KIF26B: variants seen among roughly 807,000 people sequenced by gnomAD.
KIF26B encodes the protein kinesin family member 26B.
In KIF26B, 63 loss-of-function variants were observed where a neutral mutation model predicts 151.2. That is an observed-to-expected ratio of 0.42 (90% confidence interval 0.34 to 0.51). The LOEUF (loss-of-function observed/expected upper bound fraction) is 0.51, where lower values mean the gene tolerates loss of function less well. Among genes scored for constraint, KIF26B ranks in the 20% least tolerant of loss-of-function variants. KIF26B has a pLI of 0.07. For missense variants in KIF26B, 2,813 were observed against 2,913.6 expected (o/e 0.97, Z 0.79); for synonymous variants, 1,357 against 1,262.1 (o/e 1.08, Z -1.59).
intron 4 of KIF26B, among the ~76,000 whole-genome samples, chr1:245,535,065 G>C (rs1272620740): frequency 6.6e-6 from 1 of 152,140 alleles, no homozygotes. Context: ...TTACAGGCGT[G>C]AGCCACTGCA....
intron 3 of KIF26B, among the ~76,000 whole-genome samples, chr1:245,394,344 T>A (rs915414550): frequency 6.6e-6 from 1 of 152,208 alleles, no homozygotes; most frequent in Non-Finnish European, 1.5e-5. Flanking sequence ...GAAAGCAGGC[T>A]GCGTGCCGTG....
At position 245,369,825 on chromosome 1, in the gene KIF26B, C is replaced by T. The variant is rs150416989; in HGVS notation, c.999+2458C>T. Among the ~76,000 whole-genome samples, 21 of 152,302 alleles carry T rather than the reference C, an allele frequency of 1.4e-4. No individual in the cohort carries two copies. In the East Asian group the frequency reaches 4.1e-3, roughly 29 times the overall value. On this transcript the variant is annotated intron_variant, in intron 3 of 14. Coordinates refer to ENST00000407071, the MANE Select transcript of KIF26B (RefSeq NM_018012.4). Reference sequence around the variant, plus strand: ...CAAAGAAAAGAACTCGTTTTACCTGCAGGGGCCTCACTGCCCCTAGACTTT... The same window carrying T: ...CAAAGAAAAGAACTCGTTTTACCTGTAGGGGCCTCACTGCCCCTAGACTTT...
intron 1 of KIF26B, among the ~76,000 whole-genome samples, chr1:245,156,003 C>T (rs917519944): frequency 1.1e-4 from 17 of 152,212 alleles, no homozygotes; most frequent in African/African-American, 4.1e-4. Context: ...TCCCCCCCGC[C>T]TTGCAGAAGC....
chr1:245,371,560 G>A (rs1428840069), intron 3 of KIF26B: 1 of 152,170 alleles, frequency 6.6e-6, no homozygotes, highest in African/African-American at 2.4e-5. Context: ...CTGCCTTTCT[G>A]CAATTTAGAC....
chr1:245,419,313 T>C (rs746797513), intron 3 of KIF26B, among the ~76,000 whole-genome samples: 1 of 152,130 alleles, frequency 6.6e-6, no homozygotes, highest in Non-Finnish European at 1.5e-5. Context: ...CCCCTCCAAA[T>C]GGAGGGAAGA....
intron 2 of KIF26B, among the ~76,000 whole-genome samples, chr1:245,265,305 C>A (rs1342134703): frequency 6.6e-6 from 1 of 150,812 alleles, no homozygotes; most frequent in Non-Finnish European, 1.5e-5. Flanking sequence ...AACAAATAGA[C>A]CGATGGAACA....
At position 245,688,072 on chromosome 1, in the gene KIF26B, G is replaced by T; in HGVS notation, c.5089G>T (p.Ala1697Ser). The change falls in exon 12 of 15, where the codon GCG becomes TCG. Residue 1697 changes from alanine (A) to serine (S), a missense_variant. Around this residue, in one of 3 missense-constraint regions of KIF26B, gnomAD observed 2,060 missense variants for 2,088.6 expected, o/e 0.99. Transcript: ENST00000407071. The stretch of plus-strand genomic sequence containing the variant: ...GTCCTCCGTGAGCTCCCGGCTGCAC[G>T]CGGGCAAGGACGGCACCATGCCCCG... ...SLSSVSSRLHAGKDGTMPRAG... is the reference protein window; with the variant it reads ...SLSSVSSRLHSGKDGTMPRAG... The T allele has an allele frequency of 6.4e-7, 1 of 1,552,800 alleles. No homozygotes were observed. The highest frequency in any genetic ancestry group is 8.7e-7 in the Non-Finnish European group (1 of 1,149,128).
At chr1:245,330,652 AG>A (rs1403266220) in intron 2 of KIF26B, among the ~76,000 whole-genome samples, 1 of 10,190 alleles carries the variant, frequency 9.8e-5, no homozygotes, top group African/African-American at 5.2e-4. Flanking sequence ...GGGAGGGAGT[AG>A]GGGGGTAATA....
intron 3 of KIF26B, among the ~76,000 whole-genome samples, chr1:245,391,250 A>G (rs1251352665): frequency 2.6e-5 from 4 of 152,202 alleles, no homozygotes; most frequent in Non-Finnish European, 5.9e-5. Flanking sequence ...TGTGATACCA[A>G]AAGTTTATTA....
At chr1:245,439,371 G>GAAA (rs1302448177) in intron 4 of KIF26B, among the ~76,000 whole-genome samples, 1 of 149,096 alleles carries the variant, frequency 6.7e-6, no homozygotes, top group Non-Finnish European at 1.5e-5. Flanking sequence ...AAAGAAAAAA[G>GAAA]AAAGGTAATA....
chr1:245,654,634 T>G (rs79852598), intron 10 of KIF26B, among the ~76,000 whole-genome samples: 182 of 152,360 alleles, frequency 1.2e-3, no homozygotes, highest in African/African-American at 4.3e-3. Context: ...AGGCTTTCTC[T>G]GGCTCCAGGA....
chr1:245,596,727 G>A (rs1302622473), intron 5 of KIF26B, among the ~76,000 whole-genome samples: 1 of 152,158 alleles, frequency 6.6e-6, no homozygotes, highest in Non-Finnish European at 1.5e-5. Context: ...AATATTGACA[G>A]TGGGATGTTA....
At chr1:245,365,621 C>T (rs1672930669) in intron 2 of KIF26B, among the ~76,000 whole-genome samples, 1 of 152,144 alleles carries the variant, frequency 6.6e-6, no homozygotes, top group Middle Eastern at 3.4e-3. Context: ...TCCCTAATGT[C>T]CTAGAGGTAA....
chr1:245,439,346 C>CA (rs777808376), intron 4 of KIF26B, among the ~76,000 whole-genome samples: 42 of 131,732 alleles, frequency 3.2e-4, no homozygotes, highest in South Asian at 9.7e-4. Context: ...GACCCTGTCT[C>CA]AAAAAAAAAA....
At chr1:245,685,310 G>A in intron 11 of KIF26B, 95 bp from the exon 12 acceptor site, 1 of 1,062,994 alleles carries the variant, frequency 9.4e-7, no homozygotes, top group Middle Eastern at 2.1e-4. Flanking sequence ...AGTAGCCTGT[G>A]TCGTCAGGGG....
intron 2 of KIF26B, among the ~76,000 whole-genome samples, chr1:245,254,138 T>C (rs534737120): frequency 1.3e-5 from 2 of 152,302 alleles, no homozygotes; most frequent in South Asian, 4.1e-4. Flanking sequence ...TTTAACATTA[T>C]GGGCATTTTC....
chr1:245,623,070 T>G (rs547936918), intron 9 of KIF26B, among the ~76,000 whole-genome samples: 42 of 149,184 alleles, frequency 2.8e-4, no homozygotes, highest in African/African-American at 9.1e-4. Flanking sequence ...TTTAACAACT[T>G]TAATGAGATA....
rs56750051 is a variant in KIF26B at position 245,496,979 on chromosome 1, C to A, written c.1167-43788C>A. Among the ~76,000 whole-genome samples the A allele has an allele frequency of 9.1e-4, 139 of 151,956 alleles. 2 individuals are homozygous for A. In the Middle Eastern group the frequency reaches 0.014, roughly 15 times the overall value. On this transcript the variant is annotated intron_variant, in intron 4 of 14. Coordinates refer to ENST00000407071, the MANE Select transcript of KIF26B (RefSeq NM_018012.4). ...GACCAGCCTGACCAACATGGAGAAA[C>A]CCCATCTCTACTAAAAATACAAAAT...
At chr1:245,394,688 C>CTTTTTTTTTT in intron 3 of KIF26B, among the ~76,000 whole-genome samples, 1 of 123,178 alleles carries the variant, frequency 8.1e-6, no homozygotes, top group Non-Finnish European at 1.6e-5. Context: ...TTTTTTCTTT[C>CTTTTTTTTTT]TTTTTTTTTT....
Sources: gnomAD v4.1 joint callset for allele counts (sites outside exome capture counted in the v4.1 genomes callset) on GRCh38, gnomAD v4.1.1 for gene constraint, gnomAD v4.1.1 regional missense constraint, MANE v1.5 for transcripts, NCBI Gene and HGNC (gene_info 2026-07-23, HGNC 2026-07-21) for gene names.